STAG1: variants seen among roughly 807,000 people sequenced by gnomAD.
STAG1 encodes cohesin subunit SA-1.
A neutral mutation model predicts 170.9 loss-of-function variants in STAG1; 26 were observed. That is an observed-to-expected ratio of 0.15 (90% CI 0.11 to 0.21). The LOEUF is 0.21. Ranked by LOEUF, STAG1 falls within the 10% of genes least tolerant of loss-of-function variation. The probability of loss-of-function intolerance (pLI) is 1.00; values close to 1 mark genes in which losing one functional copy is unlikely to be tolerated. For synonymous variants in STAG1, 514 were observed against 497.7 expected, an observed-to-expected ratio of 1.03 and a Z score of -0.44; for missense variants, 964 against 1,509.5, an observed-to-expected ratio of 0.64 and a Z score of 5.99.
chr3:136,412,252 G>A (rs970826545), intron 21 of STAG1, among the ~76,000 whole-genome samples: 1 of 152,126 alleles, frequency 6.6e-6, no homozygotes, highest in African/African-American at 2.4e-5. Flanking sequence ...ATGAATAAAT[G>A]GAGAAAGGAA....
intron 13 of STAG1, among the ~76,000 whole-genome samples, chr3:136,454,370 G>A (rs1184316827): frequency 6.9e-6 from 1 of 145,028 alleles, no homozygotes; most frequent in Non-Finnish European, 1.5e-5. Flanking sequence ...CTGAGCCACC[G>A]TGATCGGCTT....
chr3:136,708,747 A>C (rs1006728315), intron 1 of STAG1, among the ~76,000 whole-genome samples: 2 of 152,150 alleles, frequency 1.3e-5, no homozygotes, highest in Non-Finnish European at 2.9e-5. Context: ...TAAAATTGTT[A>C]GGTGCTTAGT....
chr3:136,693,301 G>C (rs1378011273), intron 1 of STAG1, among the ~76,000 whole-genome samples: 2 of 152,110 alleles, frequency 1.3e-5, no homozygotes, highest in Admixed American at 6.6e-5. Flanking sequence ...AGACTGGTGG[G>C]GCTGAGGACC....
chr3:136,717,611 C>T (rs1943575797), intron 1 of STAG1, among the ~76,000 whole-genome samples: 1 of 152,030 alleles, frequency 6.6e-6, no homozygotes, highest in African/African-American at 2.4e-5. Flanking sequence ...GTGCAGTGAG[C>T]GGAGATCGTG....
intron 28 of STAG1, among the ~76,000 whole-genome samples, chr3:136,354,754 C>CAAAAAA: frequency 1.5e-4 from 1 of 6,506 alleles, no homozygotes; most frequent in Non-Finnish European, 2.4e-4. Context: ...GAGAAAGAAC[C>CAAAAAA]AAAAAAAAAA....
intron 6 of STAG1, among the ~76,000 whole-genome samples, chr3:136,540,986 C>T (rs182806886): frequency 1.3e-5 from 2 of 151,736 alleles, no homozygotes; most frequent in Non-Finnish European, 2.9e-5. Flanking sequence ...CATTTTCATA[C>T]GTGAAGAGTT....
chr3:136,635,088 A>G (rs1940500050), intron 1 of STAG1, among the ~76,000 whole-genome samples: 1 of 152,186 alleles, frequency 6.6e-6, no homozygotes, highest in Non-Finnish European at 1.5e-5. Flanking sequence ...TCAATCTTCC[A>G]AAAAAGAGAC....
chr3:136,487,528 T>G (rs972072289), intron 9 of STAG1, among the ~76,000 whole-genome samples: 1 of 152,206 alleles, frequency 6.6e-6, no homozygotes, highest in Non-Finnish European at 1.5e-5. Flanking sequence ...ACTTGCAATT[T>G]GACCATGTGG....
At chr3:136,574,668 G>C (rs1034773798) in intron 4 of STAG1, among the ~76,000 whole-genome samples, 3 of 152,058 alleles carry the variant, frequency 2.0e-5, no homozygotes, top group African/African-American at 7.2e-5. Context: ...CAAATAACAG[G>C]AGTCTCAAAA....
intron 7 of STAG1, among the ~76,000 whole-genome samples, chr3:136,515,055 T>C (rs1340510685): frequency 6.6e-6 from 1 of 151,762 alleles, no homozygotes; most frequent in Admixed American, 6.6e-5. Flanking sequence ...GAACTTAAAG[T>C]ATAATTAAAA....
chr3:136,662,527 T>C (rs887466212), intron 1 of STAG1, among the ~76,000 whole-genome samples: 1 of 152,010 alleles, frequency 6.6e-6, no homozygotes, highest in African/African-American at 2.4e-5. Context: ...CACTGCAGCA[T>C]CAACCTCCCA....
chr3:136,563,038 T>A (rs191362262), intron 5 of STAG1, among the ~76,000 whole-genome samples: 75 of 152,312 alleles, frequency 4.9e-4, no homozygotes, highest in Non-Finnish European at 3.2e-4. Flanking sequence ...TGATGTTGAG[T>A]TCTTCTAAGG....
intron 10 of STAG1, among the ~76,000 whole-genome samples, chr3:136,475,452 G>T (rs1267522102): frequency 2.0e-5 from 3 of 151,982 alleles, no homozygotes; most frequent in Non-Finnish European, 4.4e-5. Context: ...CAGCCAACAG[G>T]TTACTCTTGA....
chr3:136,634,875 T>C (rs2107841744), intron 1 of STAG1, among the ~76,000 whole-genome samples: 1 of 152,016 alleles, frequency 6.6e-6, no homozygotes, highest in East Asian at 1.9e-4. Flanking sequence ...ACAACATATG[T>C]CCACAAATTT....
chr3:136,402,437 C>T (rs2087355107), intron 21 of STAG1, among the ~76,000 whole-genome samples: 1 of 151,410 alleles, frequency 6.6e-6, no homozygotes, highest in African/African-American at 2.4e-5. Flanking sequence ...AGGCTGGTCT[C>T]GAACTCCTGA....
At chr3:136,673,140 G>T (rs1387850112) in intron 1 of STAG1, among the ~76,000 whole-genome samples, 1 of 152,200 alleles carries the variant, frequency 6.6e-6, no homozygotes, top group African/African-American at 2.4e-5. Flanking sequence ...TTACTTCAAA[G>T]AAATAGGGTA....
intron 22 of STAG1, among the ~76,000 whole-genome samples, chr3:136,393,135 G>C (rs973418914): frequency 6.6e-6 from 1 of 151,904 alleles, no homozygotes; most frequent in African/African-American, 2.4e-5. Context: ...ATTACTTTAC[G>C]TAACAAACTT....
At chr3:136,547,928 T>G (rs1227386454) in intron 5 of STAG1, among the ~76,000 whole-genome samples, 7 of 152,168 alleles carry the variant, frequency 4.6e-5, no homozygotes, top group African/African-American at 1.7e-4. Flanking sequence ...CCAATTTCAT[T>G]CTTTTGCATG....
intron 13 of STAG1, among the ~76,000 whole-genome samples, chr3:136,461,746 T>C (rs2089281172): frequency 6.6e-6 from 1 of 151,948 alleles, no homozygotes; most frequent in East Asian, 1.9e-4. Context: ...AGCAAAGGGA[T>C]CAATAAAGAG....
Sources: gnomAD v4.1 joint callset for allele counts (sites outside exome capture counted in the v4.1 genomes callset) on GRCh38, gnomAD v4.1.1 for gene constraint, MANE v1.5 for transcripts, NCBI Gene and HGNC (gene_info 2026-07-23, HGNC 2026-07-21) for gene names.